DPY19L1: variants seen among roughly 807,000 people sequenced by gnomAD.
DPY19L1 encodes the protein dpy-19 like C-mannosyltransferase 1, also known as protein C-mannosyl-transferase DPY19L1.
DPY19L1 carries 35 observed loss-of-function variants against 96.9 expected under a neutral mutation model. The observed-to-expected ratio is 0.36, with a 90% CI of 0.28 to 0.48. The LOEUF is 0.48. Ranked by LOEUF, DPY19L1 falls within the 20% of genes least tolerant of loss-of-function variation. The pLI, the probability that DPY19L1 is intolerant of heterozygous loss-of-function variation, is 0.99. For missense variants in DPY19L1, 521 were observed against 777.9 expected, an observed-to-expected ratio of 0.67 and a Z score of 3.93; for synonymous variants, 205 against 252.6, an observed-to-expected ratio of 0.81 and a Z score of 1.79.
Position 34,934,883 on chromosome 7 carries a change from G to C in DPY19L1, c.2090+3111C>G, listed in dbSNP as rs550852827. 3.0e-4 allele frequency among the ~76,000 whole-genome samples: 45 copies of C among 152,280 alleles called. No homozygotes were observed. In the East Asian group the frequency reaches 8.1e-3, roughly 27 times the overall value. On this transcript the variant is annotated intron_variant, in intron 21 of 21. Transcript: ENST00000638088. ...CACAGACCAGTACTGGTCCATGGCC[G>C]GGGGCTTGGAGACCCCTGCTCTAGA... is the stretch of plus-strand genomic sequence containing the variant.
At chr7:35,023,042 A>G (rs1786032665) in intron 1 of DPY19L1, among the ~76,000 whole-genome samples, 1 of 151,990 alleles carries the variant, frequency 6.6e-6, no homozygotes, top group Non-Finnish European at 1.5e-5. Context: ...CAGCATATCT[A>G]GTGTCCTGGG....
intron 7 of DPY19L1, among the ~76,000 whole-genome samples, chr7:34,979,493 A>C (rs1784895360): frequency 6.6e-6 from 1 of 152,154 alleles, no homozygotes; most frequent in African/African-American, 2.4e-5. Flanking sequence ...TATTCTGACT[A>C]TACCTCCTTA....
chr7:35,027,668 T>TAAAAAAGAAAAAAAAAAAAA (rs1786158413), intron 1 of DPY19L1, among the ~76,000 whole-genome samples: 1 of 71,410 alleles, frequency 1.4e-5, no homozygotes, highest in Non-Finnish European at 3.0e-5. Context: ...CCGTCTCTAC[T>TAAAAAAGAAAAAAAAAAAAA]AAAAAAAAAA....
intron 6 of DPY19L1, among the ~76,000 whole-genome samples, chr7:35,003,143 A>G (rs903893595): frequency 1.3e-5 from 2 of 152,172 alleles, no homozygotes; most frequent in African/African-American, 4.8e-5. Context: ...AAGCAAATAA[A>G]CACATTTTGC....
chr7:34,951,666 TAAG>T (rs779006838), intron 13 of DPY19L1, among the ~76,000 whole-genome samples: 3 of 150,968 alleles, frequency 2.0e-5, no homozygotes, highest in Non-Finnish European at 4.4e-5. Flanking sequence ...CAAAAAGAAG[TAAG>T]AATAAGAATG....
intron 6 of DPY19L1, among the ~76,000 whole-genome samples, chr7:34,997,702 G>A (rs1236510728): frequency 6.6e-6 from 1 of 151,048 alleles, no homozygotes; most frequent in East Asian, 1.9e-4. Context: ...CAAAAATCCA[G>A]CCTGTATAAG....
In DPY19L1 at chr7:34,930,695, A is replaced by G. The variant is rs1005720585; in HGVS notation, c.*878T>C. ...GGGTTGTTCAAAATAGTTTTTCTTA[A>G]AACTATAATTAAACATGAAAAAACT... On this transcript the variant is annotated 3_prime_UTR_variant, in exon 22 of 22. Coordinates refer to ENST00000638088, the MANE Select transcript of DPY19L1 (RefSeq NM_001366673.1). 2 of 152,172 alleles carry G rather than the reference A, an allele frequency of 1.3e-5. No individual in the cohort carries two copies. The highest frequency in any genetic ancestry group is 2.1e-4 in the South Asian group (1 of 4,828). The allele number at this position is 152,172 out of a possible 1,614,324, so 9.4% of individuals were successfully genotyped here. A position where few individuals can be genotyped will look rare whatever the true frequency, so the allele number is the denominator to read the frequency against.
intron 6 of DPY19L1, among the ~76,000 whole-genome samples, chr7:34,994,370 TA>T (rs1204809675): frequency 6.6e-6 from 1 of 152,036 alleles, no homozygotes; most frequent in Non-Finnish European, 1.5e-5. Flanking sequence ...GATGAGTTTT[TA>T]AAAAAAATGA....
At chr7:35,000,592 C>T (rs1161577498) in intron 6 of DPY19L1, 1 of 152,098 alleles carries the variant, frequency 6.6e-6, no homozygotes, top group Non-Finnish European at 1.5e-5. Context: ...ACAATAGGAT[C>T]CTGAAAAATG....
chr7:35,015,450 T>C (rs1430241083), intron 3 of DPY19L1, among the ~76,000 whole-genome samples: 2 of 152,190 alleles, frequency 1.3e-5, no homozygotes, highest in Non-Finnish European at 2.9e-5. Context: ...AGATGGCAAC[T>C]AAAGTGATTT....
At chr7:34,986,151 AGGG>A (rs1785042580) in intron 7 of DPY19L1, among the ~76,000 whole-genome samples, 1 of 152,046 alleles carries the variant, frequency 6.6e-6, no homozygotes, top group Admixed American at 6.6e-5. Flanking sequence ...CCAGAGGCTC[AGGG>A]GAGAGATGGG....
chr7:34,946,001 C>A (rs775637531), intron 15 of DPY19L1, among the ~76,000 whole-genome samples: 19 of 152,204 alleles, frequency 1.2e-4, no homozygotes, highest in Non-Finnish European at 1.3e-4. Flanking sequence ...TACTAAGAAG[C>A]ACTGCAGTCT....
rs1025790233 is a variant in DPY19L1, at chr7:34,984,408, G to A, written c.822+5476C>T. 5.3e-5 allele frequency among the ~76,000 whole-genome samples: 8 copies of A among 152,254 alleles called. No individual in the cohort carries two copies. The East Asian group carries it at 9.7e-4, about 18-fold the overall frequency. On this transcript the variant is annotated intron_variant, in intron 7 of 21. Transcript: ENST00000638088. Reference sequence around the variant, plus strand: ...GAAGGAAAAGGAATAGTCCTTTCTGGAAACAGAAGAAAGAAGGGCCAATAG... The same window carrying A: ...GAAGGAAAAGGAATAGTCCTTTCTGAAAACAGAAGAAAGAAGGGCCAATAG...
In DPY19L1 at chr7:34,961,990, T is replaced by C. The variant is rs571720224; in HGVS notation, c.1093-3920A>G. On this transcript the variant is annotated intron_variant, in intron 10 of 21. Coordinates refer to ENST00000638088, the MANE Select transcript of DPY19L1 (RefSeq NM_001366673.1). ...GTGGAGCAGCAGGAACTCTCATTTA[T>C]TGCTGGTGGTAATGCAAAATGGTAT... Among the ~76,000 whole-genome samples the C allele has an allele frequency of 6.6e-5, 10 of 152,358 alleles. No individual in the cohort carries two copies. The South Asian group carries it at 1.7e-3, about 25-fold the overall frequency.
chr7:34,964,334 A>T (rs888861922), intron 10 of DPY19L1, among the ~76,000 whole-genome samples: 2 of 152,204 alleles, frequency 1.3e-5, no homozygotes, highest in Admixed American at 1.3e-4. Context: ...CCTCAGCCAT[A>T]GTTGCCTATG....
chr7:35,004,106 C>T (rs1359655395), intron 6 of DPY19L1, among the ~76,000 whole-genome samples: 3 of 152,162 alleles, frequency 2.0e-5, no homozygotes, highest in Non-Finnish European at 2.9e-5. Context: ...ACATCCTGAT[C>T]GTCACATCTC....
intron 6 of DPY19L1, among the ~76,000 whole-genome samples, chr7:35,002,620 T>C (rs886356535): frequency 2.0e-5 from 3 of 151,700 alleles, no homozygotes; most frequent in East Asian, 1.9e-4. Flanking sequence ...CTGAGACATA[T>C]TGCTCTGAAA....
rs1190933286 is a variant in DPY19L1 at position 34,929,689 on chromosome 7, C to T, written c.*1884G>A. On this transcript the variant is annotated 3_prime_UTR_variant, in exon 22 of 22. Transcript: ENST00000638088. ...ACCTCCCTCTCCCTGCTCATGTCAA[C>T]TCCCATCCTCAGCCTCAAGTGTCCA... The T allele has an allele frequency of 1.3e-5, 2 of 152,264 alleles. No homozygotes were observed. Among genetic ancestry groups the T allele is most frequent in the Non-Finnish European group, 2.9e-5 (2 of 68,064 alleles). The allele number at this position is 152,264 out of a possible 1,614,324, so 9.4% of individuals were successfully genotyped here.
intron 6 of DPY19L1, among the ~76,000 whole-genome samples, chr7:34,999,698 T>G (rs1444174701): frequency 6.6e-6 from 1 of 152,206 alleles, no homozygotes; most frequent in Non-Finnish European, 1.5e-5. Flanking sequence ...TTTATACATT[T>G]GACAAAGTAC....
Sources: gnomAD v4.1 joint callset for allele counts (sites outside exome capture counted in the v4.1 genomes callset) on GRCh38, gnomAD v4.1.1 for gene constraint, MANE v1.5 for transcripts, NCBI Gene and HGNC (gene_info 2026-07-23, HGNC 2026-07-21) for gene names.